The following RALYL variants were observed in gnomAD, a reference collection of about 807,000 sequenced individuals.
The protein encoded by RALYL is RALY RNA binding protein like.
In RALYL, 29 loss-of-function variants were observed where a neutral mutation model predicts 35.1. The ratio of observed to expected loss-of-function variants is 0.83; its 90% CI spans 0.61 to 1.13. RALYL has a LOEUF of 1.13. Ranked by LOEUF, RALYL falls within the 50% of genes most tolerant of loss-of-function variation. The pLI is 0.00. For missense variants in RALYL, 359 were observed against 360.4 expected, an observed-to-expected ratio of 1.00 and a Z score of 0.03; for synonymous variants, 120 against 127.6, an observed-to-expected ratio of 0.94 and a Z score of 0.40.
chr8:84,210,279 T>G (rs1367815155), intron 1 of RALYL, among the ~76,000 whole-genome samples: 4 of 152,100 alleles, frequency 2.6e-5, no homozygotes. Context: ...TAAATTAATT[T>G]TACCGAGCCT....
At chr8:84,511,376 G>C (rs1243891394) in intron 1 of RALYL, among the ~76,000 whole-genome samples, 1 of 152,088 alleles carries the variant, frequency 6.6e-6, no homozygotes, top group Non-Finnish European at 1.5e-5. Flanking sequence ...AACAATGCCT[G>C]GCACATAGTA....
rs377319722 is a variant in RALYL at position 84,778,167 on chromosome 8, T to C, written c.332+3513T>C. On this transcript the variant is annotated intron_variant, in intron 3 of 8. Coordinates refer to ENST00000521268, the MANE Select transcript of RALYL (RefSeq NM_173848.7). ...GTATGAAGGTAGTCTCTGATTTACC[T>C]TCCTGCTCTAAACTGCTATGTCTCT... 2.6e-4 allele frequency among the ~76,000 whole-genome samples: 40 copies of C among 152,316 alleles called. 2 individuals are homozygous for C. In the East Asian group the frequency reaches 5.6e-3, roughly 21 times the overall value.
intron 1 of RALYL, chr8:84,185,268 A>G (rs542515604): frequency 1.9e-6 from 1 of 538,674 alleles, no homozygotes; most frequent in East Asian, 3.2e-5. Context: ...AAATTTTGTT[A>G]AAGGGGCAGA....
chr8:84,733,192 C>T (rs985041006), intron 2 of RALYL, among the ~76,000 whole-genome samples: 4 of 152,042 alleles, frequency 2.6e-5, no homozygotes, highest in African/African-American at 7.2e-5. Context: ...AGGGCACAAA[C>T]GAATCACTAG....
At chr8:84,456,597 A>T (rs1405826361) in intron 1 of RALYL, among the ~76,000 whole-genome samples, 1 of 152,060 alleles carries the variant, frequency 6.6e-6, no homozygotes, top group Non-Finnish European at 1.5e-5. Context: ...CTAAGTATTT[A>T]TTAACCTCTC....
intron 4 of RALYL, among the ~76,000 whole-genome samples, chr8:84,826,927 A>C (rs542133867): frequency 6.6e-6 from 1 of 152,140 alleles, no homozygotes; most frequent in Non-Finnish European, 1.5e-5. Flanking sequence ...TTTCCACAGA[A>C]ATAGGGGAAA....
chr8:84,184,678 GC>G (rs968990942), intron 1 of RALYL, among the ~76,000 whole-genome samples: 7 of 151,934 alleles, frequency 4.6e-5, no homozygotes, highest in African/African-American at 1.7e-4. Flanking sequence ...GGTGAGCTGC[GC>G]CCAGGTCGTC....
chr8:84,342,167 A>G (rs1346324006), intron 1 of RALYL, among the ~76,000 whole-genome samples: 1 of 149,780 alleles, frequency 6.7e-6, no homozygotes, highest in African/African-American at 2.5e-5. Flanking sequence ...ACTGTAATTC[A>G]GAAAATAAAA....
At chr8:84,870,504 T>C (rs188038652) in intron 6 of RALYL, among the ~76,000 whole-genome samples, 4 of 151,922 alleles carry the variant, frequency 2.6e-5, no homozygotes, top group African/African-American at 9.7e-5. Context: ...GTAAAATTTA[T>C]CTAGAGAAAA....
At chr8:84,620,639 A>G (rs1243070341) in intron 2 of RALYL, among the ~76,000 whole-genome samples, 1 of 152,158 alleles carries the variant, frequency 6.6e-6, no homozygotes, top group Non-Finnish European at 1.5e-5. Context: ...GCTGGTGAGG[A>G]ACTGCATTCC....
At chr8:84,656,614 C>T (rs2131599695) in intron 2 of RALYL, among the ~76,000 whole-genome samples, 1 of 152,166 alleles carries the variant, frequency 6.6e-6, no homozygotes, top group South Asian at 2.1e-4. Flanking sequence ...ATTTGTTTCA[C>T]CACCTCTTCC....
intron 2 of RALYL, among the ~76,000 whole-genome samples, chr8:84,735,811 CGAGAGAGAGAGAGAGAGAGAGAGA>C (rs59842702): frequency 9.0e-6 from 1 of 111,310 alleles, no homozygotes; most frequent in Non-Finnish European, 2.0e-5. Context: ...ATCCAAACCG[CGAGAGAGAGAGAGAGAGAGAGAGA>C]GAGAGAGAGA....
At chr8:84,426,424 TTCTC>T (rs759464988) in intron 1 of RALYL, among the ~76,000 whole-genome samples, 3 of 143,682 alleles carry the variant, frequency 2.1e-5, no homozygotes, top group African/African-American at 7.7e-5. Flanking sequence ...CTCTTTTGCG[TTCTC>T]TCTCTCTCTC....
At chr8:84,187,294 T>C (rs1410297519) in intron 1 of RALYL, among the ~76,000 whole-genome samples, 3 of 152,148 alleles carry the variant, frequency 2.0e-5, no homozygotes, top group African/African-American at 7.2e-5. Context: ...TCAATGTCTA[T>C]CTCAGTCTTG....
chr8:84,275,128 T>G (rs947758204), intron 1 of RALYL, among the ~76,000 whole-genome samples: 5 of 152,198 alleles, frequency 3.3e-5, no homozygotes, highest in African/African-American at 4.8e-5. Flanking sequence ...TTCCTTATTT[T>G]TTAGACTTTT....
chr8:84,467,678 G>A (rs2051919760), intron 1 of RALYL, among the ~76,000 whole-genome samples: 2 of 152,090 alleles, frequency 1.3e-5, no homozygotes, highest in Middle Eastern at 3.4e-3. Context: ...GCTGAGCTGA[G>A]TTCAATTCCT....
chr8:84,757,718 G>A (rs997350236), intron 2 of RALYL, among the ~76,000 whole-genome samples: 5 of 152,076 alleles, frequency 3.3e-5, no homozygotes, highest in Non-Finnish European at 7.4e-5. Context: ...AACTCAGAAA[G>A]GAGGTAAAAG....
chr8:84,847,655 A>G (rs1386925242), intron 4 of RALYL, among the ~76,000 whole-genome samples: 1 of 151,818 alleles, frequency 6.6e-6, no homozygotes, highest in African/African-American at 2.4e-5. Flanking sequence ...TAAAGCAAAA[A>G]CCATTATTAT....
intron 2 of RALYL, among the ~76,000 whole-genome samples, chr8:84,667,010 G>A (rs1346710522): frequency 1.3e-5 from 2 of 152,048 alleles, no homozygotes; most frequent in Non-Finnish European, 2.9e-5. Context: ...AACATTGTGA[G>A]GGTAAATTTA....
Sources: allele counts gnomAD v4.1 joint callset (sites outside exome capture counted in the v4.1 genomes callset), GRCh38; gene constraint gnomAD v4.1.1; transcripts MANE v1.5; gene names NCBI Gene and HGNC (gene_info 2026-07-23, HGNC 2026-07-21).